The following MAMDC2 variants were observed in gnomAD, a reference collection of about 807,000 sequenced individuals.
The protein encoded by MAMDC2 is MAM domain containing 2, also known as MAM domain-containing protein 2.
In MAMDC2, 57 loss-of-function variants were observed where a neutral mutation model predicts 89.8. The ratio of observed to expected loss-of-function variants is 0.63; its 90% CI spans 0.51 to 0.79. MAMDC2 has a LOEUF of 0.79. MAMDC2 is among the 30% of genes least tolerant of loss of function. MAMDC2 has a pLI of 0.00. For missense variants in MAMDC2, 800 were observed against 820.6 expected, an observed-to-expected ratio of 0.97 and a Z score of 0.31; for synonymous variants, 313 against 293.4, an observed-to-expected ratio of 1.07 and a Z score of -0.68.
At chr9:70,154,802 G>A (rs751907799) in intron 9 of MAMDC2, among the ~76,000 whole-genome samples, 9 of 152,024 alleles carry the variant, frequency 5.9e-5, no homozygotes, top group South Asian at 4.1e-4. Flanking sequence ...GTGAGCCACC[G>A]TGCTTGGCTT....
At chr9:70,179,190 G>T (rs2032577001) in intron 11 of MAMDC2, among the ~76,000 whole-genome samples, 1 of 152,092 alleles carries the variant, frequency 6.6e-6, no homozygotes, top group Non-Finnish European at 1.5e-5. Context: ...AGACATTGGA[G>T]ATCTATCTCT....
intron 5 of MAMDC2, among the ~76,000 whole-genome samples, chr9:70,118,450 G>T (rs1359708339): frequency 1.3e-5 from 2 of 151,976 alleles, no homozygotes; most frequent in African/African-American, 2.4e-5. Flanking sequence ...GAAAAGCTCT[G>T]CCCATAGGAC....
rs1466271616 is a variant in MAMDC2 at position 70,204,187 on chromosome 9, T to C, written c.1652-14150T>C. 2.5e-4 allele frequency among the ~76,000 whole-genome samples: 38 copies of C among 149,316 alleles called. No homozygotes were observed. In the South Asian group the frequency reaches 8.0e-3, roughly 31 times the overall value. On this transcript the variant is annotated intron_variant, in intron 11 of 13. Transcript: ENST00000377182. ...CTGTTTTTTCCCCATCTTTGTGGTT[T>C]TATCTACTTTTGGTCTTTGATGATG...
intron 6 of MAMDC2, among the ~76,000 whole-genome samples, chr9:70,127,555 G>C (rs1214274025): frequency 6.6e-6 from 1 of 151,946 alleles, no homozygotes; most frequent in Non-Finnish European, 1.5e-5. Flanking sequence ...GATGGGTTTC[G>C]GTGGTGCCAT....
At chr9:70,043,847 C>A, upstream of MAMDC2, 1 of 336,234 alleles carries the variant, frequency 3.0e-6, no homozygotes, top group Non-Finnish European at 5.5e-6. Context: ...CACTGCGGGC[C>A]GACCTCTCCT....
intron 2 of MAMDC2, chr9:70,085,844 T>C (rs1253023163): frequency 6.6e-6 from 1 of 152,108 alleles, no homozygotes; most frequent in Non-Finnish European, 1.5e-5. Flanking sequence ...TTTTTATTAA[T>C]ATAAATTACC....
At chr9:70,103,408 G>A (rs1587472644) in intron 2 of MAMDC2, among the ~76,000 whole-genome samples, 1 of 151,932 alleles carries the variant, frequency 6.6e-6, no homozygotes, top group African/African-American at 2.4e-5. Flanking sequence ...CAATAGAATC[G>A]AATTGAGAAG....
chr9:70,145,159 T>G (rs1369178604), intron 9 of MAMDC2, among the ~76,000 whole-genome samples: 1 of 152,228 alleles, frequency 6.6e-6, no homozygotes, highest in Non-Finnish European at 1.5e-5. Context: ...CGGCTTCTTA[T>G]TATTTGTATG....
intron 2 of MAMDC2, among the ~76,000 whole-genome samples, chr9:70,055,968 A>G (rs1005402372): frequency 1.3e-5 from 2 of 152,322 alleles, no homozygotes; most frequent in Admixed American, 1.3e-4. Context: ...TATTACTCTT[A>G]ATAGAATGGC....
At chr9:70,104,276 A>G (rs1310988403) in intron 2 of MAMDC2, among the ~76,000 whole-genome samples, 1 of 152,218 alleles carries the variant, frequency 6.6e-6, no homozygotes, top group African/African-American at 2.4e-5. Flanking sequence ...CTAAAATTAA[A>G]AAAAAGATGG....
chr9:70,125,131 A>G (rs2030469040), intron 5 of MAMDC2, among the ~76,000 whole-genome samples: 2 of 152,250 alleles, frequency 1.3e-5, no homozygotes, highest in Admixed American at 6.5e-5. Flanking sequence ...CTTCTTTGTC[A>G]TCACTCAAAT....
intron 11 of MAMDC2, among the ~76,000 whole-genome samples, chr9:70,181,668 G>A (rs1164308968): frequency 6.6e-6 from 1 of 152,042 alleles, no homozygotes; most frequent in Non-Finnish European, 1.5e-5. Flanking sequence ...TCTATTATTG[G>A]TGTATAGGGA....
intron 2 of MAMDC2, among the ~76,000 whole-genome samples, chr9:70,064,494 G>A (rs2997667): frequency 0.11 from 16,615 of 152,160 alleles, 2,912 homozygotes; most frequent in African/African-American, 0.37. Flanking sequence ...CCCACTGTCT[G>A]TAAGGAACCA....
At chr9:70,208,778 G>C (rs4394458) in intron 11 of MAMDC2, among the ~76,000 whole-genome samples, 1 of 151,626 alleles carries the variant, frequency 6.6e-6, no homozygotes, top group Admixed American at 6.6e-5. Context: ...GTTTGTCATA[G>C]ATAGCTATTA....
At chr9:70,195,241 A>T (rs2118612432) in intron 11 of MAMDC2, among the ~76,000 whole-genome samples, 1 of 152,174 alleles carries the variant, frequency 6.6e-6, no homozygotes, top group African/African-American at 2.4e-5. Context: ...AAAGACCAAA[A>T]AGCAAACCAA....
At chr9:70,115,495 A>G (rs2029943794) in intron 5 of MAMDC2, among the ~76,000 whole-genome samples, 1 of 152,066 alleles carries the variant, frequency 6.6e-6, no homozygotes, top group Non-Finnish European at 1.5e-5. Context: ...AGCTGGGATT[A>G]CAGACACCCA....
chr9:70,100,655 AG>A (rs561089176), intron 2 of MAMDC2, among the ~76,000 whole-genome samples: 1 of 152,230 alleles, frequency 6.6e-6, no homozygotes, highest in Non-Finnish European at 1.5e-5. Context: ...GCCTTGGGTA[AG>A]AACCAGAGGA....
At chr9:70,102,318 C>G (rs1294265955) in intron 2 of MAMDC2, among the ~76,000 whole-genome samples, 5 of 152,218 alleles carry the variant, frequency 3.3e-5, no homozygotes, top group Middle Eastern at 3.4e-3. Context: ...CACAGTCACC[C>G]CAGCATGATT....
intron 5 of MAMDC2, among the ~76,000 whole-genome samples, chr9:70,122,596 A>G (rs1033693879): frequency 2.6e-5 from 4 of 152,190 alleles, no homozygotes; most frequent in African/African-American, 4.8e-5. Flanking sequence ...GGGGCACAGC[A>G]GCCATAGTGC....
Sources: allele counts gnomAD v4.1 joint callset (sites outside exome capture counted in the v4.1 genomes callset), GRCh38; gene constraint gnomAD v4.1.1; transcripts MANE v1.5; gene names NCBI Gene and HGNC (gene_info 2026-07-23, HGNC 2026-07-21).